Variants in NRDE2 observed in about 807,000 individuals in gnomAD.
NRDE2 encodes the protein NRDE-2, necessary for RNA interference, domain containing, also known as nuclear exosome regulator NRDE2.
In NRDE2, 76 loss-of-function variants were observed where a neutral mutation model predicts 124.2. That is an observed-to-expected ratio of 0.61 (90% confidence interval 0.51 to 0.74). The LOEUF is 0.74. NRDE2 is among the 30% of genes least tolerant of loss of function. NRDE2 has a pLI of 0.00. For synonymous variants in NRDE2, 489 were observed against 528.1 expected (o/e 0.93, Z 1.01); for missense variants, 1,314 against 1,417.3 (o/e 0.93, Z 1.17).
chr14:90,324,577 G>T (rs1034032892), intron 1 of NRDE2, among the ~76,000 whole-genome samples: 1 of 151,572 alleles, frequency 6.6e-6, no homozygotes, highest in African/African-American at 2.4e-5. Flanking sequence ...TCGGGAGGCT[G>T]AGGGAGGAGA....
chr14:90,294,615 C>G (rs748963705), intron 8 of NRDE2, among the ~76,000 whole-genome samples: 11 of 152,108 alleles, frequency 7.2e-5, no homozygotes, highest in Admixed American at 1.3e-4. Flanking sequence ...TCCACATCCA[C>G]CAGGTTCCTA....
intron 9 of NRDE2, 127 bp from the exon 10 acceptor site, chr14:90,290,734 G>GGA (rs1485416375): frequency 2.6e-6 from 3 of 1,163,842 alleles, no homozygotes; most frequent in Non-Finnish European, 3.5e-6. Context: ...TAAACAGACA[G>GGA]GAGCTAAGCT....
intron 13 of NRDE2, 71 bp downstream of exon 13, chr14:90,278,991 G>T: frequency 9.2e-7 from 1 of 1,088,142 alleles, no homozygotes; most frequent in Non-Finnish European, 1.4e-6. Context: ...AGGCCGGGAA[G>T]ACACTAGCTG....
intron 10 of NRDE2, among the ~76,000 whole-genome samples, chr14:90,289,805 C>G (rs1263187022): frequency 6.6e-6 from 1 of 152,220 alleles, no homozygotes; most frequent in African/African-American, 2.4e-5. Flanking sequence ...CCAGGTTGGT[C>G]TCGAACTCCT....
At chr14:90,303,368 T>C (rs1392554179) in intron 5 of NRDE2, among the ~76,000 whole-genome samples, 1 of 152,260 alleles carries the variant, frequency 6.6e-6, no homozygotes, top group East Asian at 1.9e-4. Context: ...CATCAATGAC[T>C]AGCATACAAT....
rs1292176019 is a variant in NRDE2 at position 90,317,843 on chromosome 14, A to G, written c.173+162T>C. ...CCACTGCAAAGCAAAGAAAAAAAAA[A>G]GAATACAAGAGGTAAGGGAAAATAG... On this transcript the variant is annotated intron_variant, in intron 2 of 13. Transcript: ENST00000354366. 4 of 543,702 alleles carry G rather than the reference A, an allele frequency of 7.4e-6. No individual in the cohort carries two copies. The Admixed American group carries it at 1.4e-4, about 19-fold the overall frequency. 33.7% of individuals were successfully genotyped at this position (543,702 alleles called of 1,614,324 possible).
chr14:90,330,804 TC>T (rs1595082768), intron 1 of NRDE2, among the ~76,000 whole-genome samples: 4 of 38,474 alleles, frequency 1.0e-4, no homozygotes, highest in Admixed American at 6.8e-4. Flanking sequence ...TGAGACCCTG[TC>T]TCAAAAAAAA....
rs1378322571 is a variant in NRDE2, at chr14:90,279,085, G to A, written c.3346C>T (p.Leu1116Phe). 1.9e-6 allele frequency: 3 copies of A among 1,612,898 alleles called. No homozygotes were observed. The Admixed American group carries it at 5.0e-5, about 27-fold the overall frequency. ...ERSKGVFYKALQNCPWAKVLY... is the reference protein window; with the variant it reads ...ERSKGVFYKAFQNCPWAKVLY... ...ACCTTTGCCCAAGGGCAATTCTGAA[G>A]TGCTTTGTAGAATACACCTTTGCTT... Residue 1116 changes from leucine to phenylalanine, a missense_variant, in exon 13 of 14, where the codon CTT becomes TTT. Transcript: ENST00000354366.
At position 90,288,537 on chromosome 14, in the gene NRDE2, C is replaced by A; in HGVS notation, c.2838G>T (p.Gly946=). 1 of 1,614,116 alleles carries A rather than the reference C, an allele frequency of 6.2e-7. No individual in the cohort carries two copies. The highest frequency in any genetic ancestry group is 8.5e-7 in the Non-Finnish European group (1 of 1,179,976). ...SSVFPEGSGE[G]DSASSQSWTS... ...TCCAACTCTGGGAGCTGGCACTGTC[C>A]CCCTCGCCAGAGCCTTCTGGGAAAA... Residue 946 remains glycine (G), a synonymous_variant, in exon 11 of 14, where the codon GGG becomes GGT. Transcript: ENST00000354366.
intron 8 of NRDE2, among the ~76,000 whole-genome samples, chr14:90,297,940 CAAAA>C (rs58242184): frequency 6.2e-5 from 6 of 96,532 alleles, no homozygotes; most frequent in Non-Finnish European, 4.5e-5. Flanking sequence ...GATTCTGTCT[CAAAA>C]AAAAAAAAAA....
rs891382976 is a variant in NRDE2 at position 90,318,038 on chromosome 14, G to A, written c.140C>T (p.Pro47Leu). 1.9e-6 allele frequency: 3 copies of A among 1,613,976 alleles called. No homozygotes were observed. Among genetic ancestry groups the A allele is most frequent in the African/African-American group, 2.7e-5 (2 of 74,926 alleles). ...CGGTAACCCTTCAGAAACATGGGCT[G>A]GAGCTGCTTCAGTTTGTTGGCTCAG... Reference protein sequence around the residue: ...TSLSQQTEAAPAHVSEGLPLT... With the variant: ...TSLSQQTEAALAHVSEGLPLT... Residue 47 changes from proline (P) to leucine (L), a missense_variant, in exon 2 of 14, where the codon CCA becomes CTA. Physicochemically the swap from Pro to Leu is moderately conservative, Grantham distance 98. Coordinates refer to ENST00000354366, the MANE Select transcript of NRDE2 (RefSeq NM_017970.4).
chr14:90,272,070 T>G lies in NRDE2; in HGVS notation c.*6266A>C. 2.5e-6 allele frequency: 1 copy of G among 404,058 alleles called. No homozygotes were observed. Among genetic ancestry groups the G allele is most frequent in the Non-Finnish European group, 4.6e-6 (1 of 216,634 alleles). 25.0% of individuals were successfully genotyped at this position (404,058 alleles called of 1,614,324 possible). A position where few individuals can be genotyped will look rare whatever the true frequency, so the allele number is the denominator to read the frequency against. On this transcript the variant is annotated 3_prime_UTR_variant, in exon 14 of 14. Transcript: ENST00000354366. The surrounding 1 kb of genome is among the most constrained non-coding windows in gnomAD (Gnocchi z 4.5). ...ACCGTCCCTGGCTAACTTTTTGTATTTTTAGTAGAGATGGGGTTTCACCGT... is the reference window on the plus strand; with the variant it reads ...ACCGTCCCTGGCTAACTTTTTGTATGTTTAGTAGAGATGGGGTTTCACCGT...
In NRDE2 at chr14:90,278,331, GCT is replaced by G. The variant is rs778125389; in HGVS notation, c.*3_*4del. 1.3e-4 allele frequency: 209 copies of G among 1,614,086 alleles called. 1 individual carries two copies. In the African/African-American group the frequency reaches 2.6e-3, roughly 20 times the overall value. On this transcript the variant is annotated 3_prime_UTR_variant, in exon 14 of 14. Coordinates refer to ENST00000354366, the MANE Select transcript of NRDE2 (RefSeq NM_017970.4). ...CGCAGGCACAGCCCGTTTTCCCGCT[GCT>G]CTCTAATCCTCCAGCAGCAGCTCCA...
chr14:90,292,716 C>T lies in NRDE2; in HGVS notation c.1823G>A (p.Cys608Tyr). Residue 608 changes from cysteine (C) to tyrosine (Y), a missense_variant, in exon 9 of 14, where the codon TGT (cysteine) becomes TAT (tyrosine). Cys to Tyr is a radical substitution (Grantham distance 194, BLOSUM62 -2). Coordinates refer to ENST00000354366, the MANE Select transcript of NRDE2 (RefSeq NM_017970.4). Reference protein sequence around the residue: ...DKTKKQTEEDCEDPERQVLFD... With the variant: ...DKTKKQTEEDYEDPERQVLFD... Reference sequence around the variant, plus strand: ...ACATGCCTGTCTCTCGGGATCCTCACAGTCTTCCTCGGTTTGCTTCTTGGT... The same window carrying T: ...ACATGCCTGTCTCTCGGGATCCTCATAGTCTTCCTCGGTTTGCTTCTTGGT... 2 of 1,614,060 alleles carry T rather than the reference C, an allele frequency of 1.2e-6. No individual in the cohort carries two copies. The highest frequency in any genetic ancestry group is 1.7e-6 in the Non-Finnish European group (2 of 1,179,904).
chr14:90,292,920 A>C, intron 8 of NRDE2, 48 bp from the exon 9 acceptor site: 3 of 1,547,574 alleles, frequency 1.9e-6, no homozygotes, highest in Non-Finnish European at 1.8e-6. Flanking sequence ...TAAAACCACC[A>C]TCGCCACTCA....
rs137946966 is a variant in NRDE2 at position 90,295,208 on chromosome 14, C to A, written c.1667-2336G>T. Among the ~76,000 whole-genome samples the A allele has an allele frequency of 9.5e-4, 145 of 152,258 alleles. 1 individual carries two copies. Among genetic ancestry groups the A allele is most frequent in the African/African-American group, 3.4e-3 (140 of 41,542 alleles). ...TGGAAGGAACTGGATGAAGGGTGCA[C>A]AAAACCTCTGGGTACATTTTTTCTA... On this transcript the variant is annotated intron_variant, in intron 8 of 13. Coordinates refer to ENST00000354366, the MANE Select transcript of NRDE2 (RefSeq NM_017970.4).
chr14:90,312,186 G>A (rs1408909113), intron 4 of NRDE2, among the ~76,000 whole-genome samples: 1 of 152,100 alleles, frequency 6.6e-6, no homozygotes, highest in African/African-American at 2.4e-5. Context: ...AAAGCACCAG[G>A]GATAAATAAG....
chr14:90,325,352 A>C (rs1218778067), intron 1 of NRDE2, among the ~76,000 whole-genome samples: 1 of 152,094 alleles, frequency 6.6e-6, no homozygotes, highest in African/African-American at 2.4e-5. Flanking sequence ...CCTAGTCAAC[A>C]ATCTGAGGGT....
chr14:90,304,070 C>T lies in NRDE2; in HGVS notation c.870G>A (p.Glu290=), dbSNP rs774869915. The change falls in exon 5 of 14, where the codon GAG becomes GAA. Residue 290 remains glutamate (E), a synonymous_variant. Coordinates refer to ENST00000354366, the MANE Select transcript of NRDE2 (RefSeq NM_017970.4). ...THWLQGQGPP[E]QESKQPDAQP... is the part of the protein sequence containing the mutation. ...GTGCGTCTGGCTGCTTTGATTCCTG[C>T]TCTGGAGGACCCTGTCCTTGTAGCC... 3.1e-6 allele frequency: 5 copies of T among 1,614,080 alleles called. No homozygotes were observed. The highest frequency in any genetic ancestry group is 3.4e-6 in the Non-Finnish European group (4 of 1,180,022).
Sources: allele counts gnomAD v4.1 joint callset (sites outside exome capture counted in the v4.1 genomes callset), GRCh38; gene constraint gnomAD v4.1.1; non-coding constraint Gnocchi (gnomAD v3.1); transcripts MANE v1.5; gene names NCBI Gene and HGNC (gene_info 2026-07-23, HGNC 2026-07-21).